Variants in KCNQ3 observed in about 807,000 individuals in gnomAD.
The protein encoded by KCNQ3 is potassium voltage-gated channel subfamily Q member 3.
A neutral mutation model predicts 92.5 loss-of-function variants in KCNQ3; 30 were observed. The ratio of observed to expected loss-of-function variants is 0.32; its 90% CI spans 0.24 to 0.44. KCNQ3 has a LOEUF of 0.44. Among genes scored for constraint, KCNQ3 ranks in the 20% least tolerant of loss-of-function variants. KCNQ3 has a pLI of 1.00. For missense variants in KCNQ3, 913 were observed against 1,140.3 expected, an observed-to-expected ratio of 0.80 and a Z score of 2.87; for synonymous variants, 450 against 468.8, an observed-to-expected ratio of 0.96 and a Z score of 0.52.
chr8:132,380,828 A>G (rs749595416), intron 1 of KCNQ3, among the ~76,000 whole-genome samples: 20 of 151,296 alleles, frequency 1.3e-4, no homozygotes, highest in Middle Eastern at 3.4e-3. Context: ...AGCTCTGCAG[A>G]CCTCCCAGCC....
At chr8:132,424,253 G>A (rs193098582) in intron 1 of KCNQ3, among the ~76,000 whole-genome samples, 4 of 152,014 alleles carry the variant, frequency 2.6e-5, no homozygotes, top group South Asian at 2.1e-4. Flanking sequence ...CAGAATAGAC[G>A]TGCCCCCCAC....
intron 1 of KCNQ3, among the ~76,000 whole-genome samples, chr8:132,423,969 T>A (rs117530148): frequency 0.021 from 3,177 of 151,354 alleles, 42 homozygotes; most frequent in Middle Eastern, 0.037. Context: ...TTCTGGGATT[T>A]AAAAAAAAAC....
intron 1 of KCNQ3, among the ~76,000 whole-genome samples, chr8:132,196,451 C>G (rs983235365): frequency 9.9e-5 from 15 of 152,204 alleles, no homozygotes; most frequent in Admixed American, 7.2e-4. Flanking sequence ...CCTGGGCATT[C>G]AATGATGAAC....
intron 1 of KCNQ3, among the ~76,000 whole-genome samples, chr8:132,199,598 T>G (rs1827399448): frequency 6.6e-6 from 1 of 152,186 alleles, no homozygotes; most frequent in Non-Finnish European, 1.5e-5. Flanking sequence ...TCAAATGGAC[T>G]TAAAGAGTAT....
chr8:132,217,677 C>G (rs1344544277), intron 1 of KCNQ3, among the ~76,000 whole-genome samples: 1 of 147,720 alleles, frequency 6.8e-6, no homozygotes. Context: ...TGCCACTGCA[C>G]TCCAGCCTGG....
chr8:132,152,904 CT>C (rs1825682965), intron 9 of KCNQ3, among the ~76,000 whole-genome samples: 1 of 152,218 alleles, frequency 6.6e-6, no homozygotes, highest in African/African-American at 2.4e-5. Flanking sequence ...TCTAGCTGCA[CT>C]TTATGCAAAT....
chr8:132,128,522 T>A lies in KCNQ3; in HGVS notation c.*740A>T, dbSNP rs1020741882. On this transcript the variant is annotated 3_prime_UTR_variant, in exon 15 of 15. Coordinates refer to ENST00000388996, the MANE Select transcript of KCNQ3 (RefSeq NM_004519.4). ...AACTTTGTGTATGTGTGTGTGTGTG[T>A]GTGTGTGTGTGTGTGTGTGTGTGTT... The A allele has an allele frequency of 1.6e-3, 238 of 151,652 alleles. 1 individual carries two copies. Among genetic ancestry groups the A allele is most frequent in the African/African-American group, 5.5e-3 (226 of 40,774 alleles). 9.4% of individuals were successfully genotyped at this position (151,652 alleles called of 1,614,324 possible).
intron 1 of KCNQ3, among the ~76,000 whole-genome samples, chr8:132,416,648 C>T (rs570916625): frequency 2.6e-5 from 4 of 152,150 alleles, no homozygotes; most frequent in Admixed American, 2.0e-4. Flanking sequence ...AAAATTCATA[C>T]ATTTACTCAA....
At chr8:132,388,466 ACCT>A (rs755358771) in intron 1 of KCNQ3, among the ~76,000 whole-genome samples, 19 of 152,184 alleles carry the variant, frequency 1.2e-4, no homozygotes, top group Non-Finnish European at 1.3e-4. Context: ...AAAACTTTCT[ACCT>A]TTGATGGAAT....
At chr8:132,163,329 G>C in intron 9 of KCNQ3, 139 bp downstream of exon 9, 1 of 769,480 alleles carries the variant, frequency 1.3e-6, no homozygotes, top group Non-Finnish European at 2.3e-6. Flanking sequence ...AGAGGACTAT[G>C]GTGGTCAGCA....
rs1440780648 is a variant in KCNQ3, at chr8:132,303,589, G to A, written c.387-117408C>T. Among the ~76,000 whole-genome samples, 181 of 23,026 alleles carry A rather than the reference G, an allele frequency of 7.9e-3. 4 individuals carry two copies. The highest frequency in any genetic ancestry group is 0.017 in the East Asian group (5 of 298). The allele number at this position is 23,026 out of a possible 152,430, so 15.1% of individuals were successfully genotyped here. ...TGATATATATATATATGGTGTGTGTGTATATATATATGGTGTGTATATATA... is the reference window on the plus strand; with the variant it reads ...TGATATATATATATATGGTGTGTGTATATATATATATGGTGTGTATATATA... On this transcript the variant is annotated intron_variant, in intron 1 of 14. Coordinates refer to ENST00000388996, the MANE Select transcript of KCNQ3 (RefSeq NM_004519.4).
intron 1 of KCNQ3, among the ~76,000 whole-genome samples, chr8:132,270,898 C>G (rs1260302501): frequency 6.6e-6 from 1 of 152,166 alleles, no homozygotes; most frequent in Non-Finnish European, 1.5e-5. Flanking sequence ...TTTACTTTAA[C>G]AAGTTCCACA....
intron 1 of KCNQ3, among the ~76,000 whole-genome samples, chr8:132,187,840 GTGGTGGTGGTAGTGA>G (rs1432907428): frequency 8.0e-4 from 100 of 125,030 alleles, no homozygotes; most frequent in African/African-American, 2.9e-3. Context: ...GATTGTGGTG[GTGGTGGTGGTAGTGA>G]TGGTGGTGGT....
chr8:132,220,148 C>T (rs1286725795), intron 1 of KCNQ3, among the ~76,000 whole-genome samples: 1 of 152,108 alleles, frequency 6.6e-6, no homozygotes, highest in African/African-American at 2.4e-5. Context: ...TGCATGCCCC[C>T]TCCAAACCTA....
chr8:132,405,929 G>C (rs1408932612), intron 1 of KCNQ3, among the ~76,000 whole-genome samples: 1 of 152,072 alleles, frequency 6.6e-6, no homozygotes, highest in Non-Finnish European at 1.5e-5. Flanking sequence ...CTTCCTAACA[G>C]CCTCCAGGTC....
At chr8:132,434,107 C>T (rs1821322767) in intron 1 of KCNQ3, among the ~76,000 whole-genome samples, 1 of 148,798 alleles carries the variant, frequency 6.7e-6, no homozygotes, top group Admixed American at 6.7e-5. Flanking sequence ...ACTTGGGAGG[C>T]TGAGGCAGGA....
Position 132,360,105 on chromosome 8 carries a change from G to A in KCNQ3, c.386+120042C>T, listed in dbSNP as rs145344637. ...GACTCTACAGCACAGCTAGGTCAAT[G>A]ACCAAACTCCCTTGCTTGGGGTGTC... On this transcript the variant is annotated intron_variant, in intron 1 of 14. Coordinates refer to ENST00000388996, the MANE Select transcript of KCNQ3 (RefSeq NM_004519.4). 5.3e-3 allele frequency among the ~76,000 whole-genome samples: 806 copies of A among 152,262 alleles called. 6 individuals are homozygous for A. Among genetic ancestry groups the A allele is most frequent in the African/African-American group, 0.017 (717 of 41,552 alleles).
intron 1 of KCNQ3, among the ~76,000 whole-genome samples, chr8:132,220,327 G>A (rs1380491141): frequency 6.6e-6 from 1 of 152,170 alleles, no homozygotes; most frequent in Non-Finnish European, 1.5e-5. Context: ...AAAACTGAAG[G>A]AATACTCTTT....
chr8:132,147,640 T>A (rs1825494655), intron 9 of KCNQ3, among the ~76,000 whole-genome samples: 1 of 152,106 alleles, frequency 6.6e-6, no homozygotes, highest in African/African-American at 2.4e-5. Context: ...GATGAATGGA[T>A]GGATGAAGAT....
Sources: gnomAD v4.1 joint callset for allele counts (sites outside exome capture counted in the v4.1 genomes callset) on GRCh38, gnomAD v4.1.1 for gene constraint, MANE v1.5 for transcripts, NCBI Gene and HGNC (gene_info 2026-07-23, HGNC 2026-07-21) for gene names.